ALG8: variants seen among roughly 807,000 people sequenced by gnomAD.
ALG8 encodes ALG8 alpha-1,3-glucosyltransferase.
In ALG8, 48 loss-of-function variants were observed where a neutral mutation model predicts 70.2. The ratio of observed to expected loss-of-function variants is 0.68; its 90% CI spans 0.54 to 0.87. ALG8 has a LOEUF of 0.87. ALG8 is among the 40% of genes least tolerant of loss of function. The pLI is 0.00. For synonymous variants in ALG8, 234 were observed against 229.0 expected (o/e 1.02, Z -0.20); for missense variants, 572 against 608.7 (o/e 0.94, Z 0.64).
chr11:78,132,028 C>T (rs502713), intron 1 of ALG8, among the ~76,000 whole-genome samples: 33,158 of 152,122 alleles, frequency 0.22, 4,467 homozygotes, highest in African/African-American at 0.38. Flanking sequence ...CATTTCTCAC[C>T]ATCCTCCCAC....
At chr11:78,113,529 A>G (rs1860398246) in intron 7 of ALG8, among the ~76,000 whole-genome samples, 2 of 152,108 alleles carry the variant, frequency 1.3e-5, no homozygotes, top group African/African-American at 2.4e-5. Context: ...CCTGACCAAC[A>G]TGTTGAAACC....
At chr11:78,124,565 T>C (rs1860980252) in intron 2 of ALG8, among the ~76,000 whole-genome samples, 1 of 152,228 alleles carries the variant, frequency 6.6e-6, no homozygotes. Context: ...TTGTAAATTA[T>C]TTAACATGGT....
At chr11:78,136,959 T>A (rs1040090954) in intron 1 of ALG8, among the ~76,000 whole-genome samples, 1 of 151,712 alleles carries the variant, frequency 6.6e-6, no homozygotes, top group African/African-American at 2.4e-5. Context: ...TGGAGTGCAA[T>A]AGCGCGATCT....
At chr11:78,108,108 T>C (rs1368009367) in intron 9 of ALG8, among the ~76,000 whole-genome samples, 1 of 151,640 alleles carries the variant, frequency 6.6e-6, no homozygotes, top group South Asian at 2.1e-4. Flanking sequence ...TGAAACCCTG[T>C]CTCTACTAAA....
intron 5 of ALG8, among the ~76,000 whole-genome samples, chr11:78,117,187 T>G (rs1565352642): frequency 6.6e-6 from 1 of 152,114 alleles, no homozygotes; most frequent in Non-Finnish European, 1.5e-5. Context: ...AAATTTCATT[T>G]TATGGGGAAA....
At chr11:78,124,494 A>T (rs1040420306) in intron 2 of ALG8, among the ~76,000 whole-genome samples, 16 of 152,220 alleles carry the variant, frequency 1.1e-4, no homozygotes, top group African/African-American at 3.9e-4. Context: ...TGCACTTAAA[A>T]TATGCCCTAA....
chr11:78,102,146 A>G (rs1047258957), intron 12 of ALG8, among the ~76,000 whole-genome samples: 3 of 152,346 alleles, frequency 2.0e-5, no homozygotes, highest in African/African-American at 7.2e-5. Flanking sequence ...AAGTAGATCA[A>G]TAATATGCGC....
intron 1 of ALG8, chr11:78,133,285 C>T (rs529465592): frequency 6.6e-6 from 1 of 152,280 alleles, no homozygotes; most frequent in African/African-American, 2.4e-5. Context: ...AGCAACAGTA[C>T]CTGGTACATA....
rs1859997589 is a variant in ALG8 at position 78,105,717 on chromosome 11, T to TC, written c.1178+1089dup. On this transcript the variant is annotated intron_variant, in intron 10 of 12. Coordinates refer to ENST00000299626, the MANE Select transcript of ALG8 (RefSeq NM_024079.5). ...TTATTTTAACTATCTTTTTTTTTTT[T>TC]CTTTTTTTGAGACAGGGTCTCACTC... 4.0e-5 allele frequency among the ~76,000 whole-genome samples: 5 copies of TC among 124,618 alleles called. No homozygotes were observed. The South Asian group carries it at 1.4e-3, about 34-fold the overall frequency. The allele number at this position is 124,618 out of a possible 152,430, so 81.8% of individuals were successfully genotyped here.
intron 1 of ALG8, among the ~76,000 whole-genome samples, chr11:78,130,252 G>C (rs1861246975): frequency 6.7e-6 from 1 of 148,916 alleles, no homozygotes; most frequent in Admixed American, 6.9e-5. Context: ...AAGAGGTTGA[G>C]GTGGGAGGAC....
Position 78,121,051 on chromosome 11 carries a change from A to G in ALG8, c.478+14T>C. The G allele has an allele frequency of 1.3e-6, 2 of 1,576,742 alleles. No individual in the cohort carries two copies. Among genetic ancestry groups the G allele is most frequent in the Non-Finnish European group, 1.7e-6 (2 of 1,146,322 alleles). On this transcript the variant is annotated intron_variant, in intron 4 of 12. Transcript: ENST00000299626. ...GAATTAGTAAGGGAATAGTACATAGAATATCAAGGATACGGTCCACAATTA... is the reference window on the plus strand; with the variant it reads ...GAATTAGTAAGGGAATAGTACATAGGATATCAAGGATACGGTCCACAATTA...
intron 11 of ALG8, 80 bp downstream of exon 11, chr11:78,104,276 A>T: frequency 7.7e-7 from 1 of 1,294,874 alleles, no homozygotes; most frequent in Non-Finnish European, 1.1e-6. Flanking sequence ...AGAGTTGTTT[A>T]AATTAGATGT....
intron 9 of ALG8, among the ~76,000 whole-genome samples, chr11:78,107,999 G>A (rs1215050035): frequency 6.6e-6 from 1 of 151,730 alleles, no homozygotes; most frequent in Non-Finnish European, 1.5e-5. Flanking sequence ...TACAAAAAAG[G>A]CCGGGTGTGG....
chr11:78,109,000 C>T (rs935248797), intron 9 of ALG8, among the ~76,000 whole-genome samples: 17 of 152,190 alleles, frequency 1.1e-4, no homozygotes, highest in Admixed American at 1.1e-3. Flanking sequence ...GCTCAAAAAG[C>T]CTTTGTCGAC....
intron 4 of ALG8, among the ~76,000 whole-genome samples, chr11:78,120,034 G>A (rs956178389): frequency 6.6e-5 from 10 of 151,916 alleles, no homozygotes; most frequent in East Asian, 3.9e-4. Context: ...CCCAGGAGGC[G>A]GACACTGCAG....
intron 10 of ALG8, among the ~76,000 whole-genome samples, chr11:78,106,540 T>C (rs1408852652): frequency 1.3e-5 from 2 of 152,084 alleles, no homozygotes; most frequent in African/African-American, 4.8e-5. Flanking sequence ...AATGATCAGA[T>C]CTAAAAGCCG....
chr11:78,124,383 G>A (rs1590830488), intron 2 of ALG8, among the ~76,000 whole-genome samples, 169 bp from the exon 3 acceptor site: 1 of 152,130 alleles, frequency 6.6e-6, no homozygotes, highest in East Asian at 1.9e-4. Flanking sequence ...CAGGCAGATC[G>A]CTTGAGCCCA....
At chr11:78,106,433 G>A (rs1338759846) in intron 10 of ALG8, among the ~76,000 whole-genome samples, 3 of 152,110 alleles carry the variant, frequency 2.0e-5, no homozygotes, top group Non-Finnish European at 1.5e-5. Context: ...TCCTGACCTC[G>A]TGATCTGCCC....
intron 7 of ALG8, among the ~76,000 whole-genome samples, 200 bp from the exon 8 acceptor site, chr11:78,112,970 C>A (rs1860373227): frequency 6.6e-6 from 1 of 152,052 alleles, no homozygotes; most frequent in Non-Finnish European, 1.5e-5. Flanking sequence ...TCCAGTGGGA[C>A]AATATACATA....
Sources: gnomAD v4.1 joint callset for allele counts (sites outside exome capture counted in the v4.1 genomes callset) on GRCh38, gnomAD v4.1.1 for gene constraint, MANE v1.5 for transcripts, NCBI Gene and HGNC (gene_info 2026-07-23, HGNC 2026-07-21) for gene names.